The following TMCO5A variants were observed in gnomAD, a reference collection of about 807,000 sequenced individuals.
The protein encoded by TMCO5A is transmembrane and coiled-coil domains 5A.
TMCO5A carries 34 observed loss-of-function variants against 42.3 expected under a neutral mutation model. The ratio of observed to expected loss-of-function variants is 0.80; its 90% CI spans 0.61 to 1.07. TMCO5A has a LOEUF of 1.07. Among genes scored for constraint, TMCO5A ranks in the 50% least tolerant of loss-of-function variants. The pLI, the probability that TMCO5A is intolerant of heterozygous loss-of-function variation, is 0.00. For synonymous variants in TMCO5A, 131 were observed against 115.6 expected (o/e 1.13, Z -0.86); for missense variants, 357 against 327.9 (o/e 1.09, Z -0.69).
chr15:37,992,451 A>G, the TMCO5A span, among the ~76,000 whole-genome samples: 2 of 152,158 alleles, frequency 1.3e-5, no homozygotes, highest in Non-Finnish European at 2.9e-5. Context: ...TTCCTCAAAG[A>G]ACTAAAAACA....
At chr15:37,986,748 G>A in the TMCO5A span, among the ~76,000 whole-genome samples, 2 of 151,702 alleles carry the variant, frequency 1.3e-5, no homozygotes, top group Admixed American at 6.6e-5. Flanking sequence ...ATGTCTTCAA[G>A]TTTCATCCAT....
Position 37,951,018 on chromosome 15 carries a change from A to G in TMCO5A, c.669-18A>G, listed in dbSNP as rs762580765. The G allele has an allele frequency of 2.2e-5, 36 of 1,608,330 alleles. No homozygotes were observed. The highest frequency in any genetic ancestry group is 3.0e-5 in the Non-Finnish European group (35 of 1,177,924). On this transcript the variant is annotated intron_variant, in intron 11 of 11. Transcript: ENST00000319669. ...TTCTAAGCTTCTGGTTAACAGTTTC[A>G]TGGCATTCTCTTTTTAGGATTTTTT...
At chr15:37,967,873 A>G (rs926126527), downstream of TMCO5A, 14 of 152,192 alleles carry the variant, frequency 9.2e-5, no homozygotes, top group African/African-American at 2.4e-4. Context: ...TCCTTGGTCC[A>G]CTGCCATTGC....
At chr15:37,985,531 T>TA in the TMCO5A span, among the ~76,000 whole-genome samples, 1 of 152,212 alleles carries the variant, frequency 6.6e-6, no homozygotes, top group Non-Finnish European at 1.5e-5. Flanking sequence ...ATGTTGTACT[T>TA]AACTATGCTA....
At chr15:38,013,245 G>C in the TMCO5A span, among the ~76,000 whole-genome samples, 1 of 152,136 alleles carries the variant, frequency 6.6e-6, no homozygotes. Context: ...CCTGTGGCTA[G>C]TACCACTTAA....
At chr15:37,977,396 G>A in the TMCO5A span, among the ~76,000 whole-genome samples, 2 of 152,260 alleles carry the variant, frequency 1.3e-5, no homozygotes, top group South Asian at 4.1e-4. Flanking sequence ...TTCATTTCTG[G>A]ATGTTTTCAG....
intron 10 of TMCO5A, among the ~76,000 whole-genome samples, chr15:37,945,494 A>G (rs1471684063): frequency 1.3e-5 from 2 of 152,180 alleles, no homozygotes; most frequent in African/African-American, 2.4e-5. Flanking sequence ...TCCCAGCAAC[A>G]GTGTAAAAGC....
chr15:38,029,951 A>G, the TMCO5A span, among the ~76,000 whole-genome samples: 1 of 151,794 alleles, frequency 6.6e-6, no homozygotes, highest in Non-Finnish European at 1.5e-5. Flanking sequence ...CTGATAATAC[A>G]CTCTTCCTTT....
At position 37,966,608 on chromosome 15, in the gene TMCO5A, T is replaced by TCAAGA. The variant is rs1322817568; in HGVS notation, c.669-17_669-16insCAAGA. 1.0e-5 allele frequency: 7 copies of TCAAGA among 702,800 alleles called. No homozygotes were observed. In the Middle Eastern group the frequency reaches 6.8e-4, roughly 69 times the overall value. The allele number at this position is 702,800 out of a possible 1,614,324, so 43.5% of individuals were successfully genotyped here. A position where few individuals can be genotyped will look rare whatever the true frequency, so the allele number is the denominator to read the frequency against. ...AACAATGTCTTGGGACATCATTTCT[T>TCAAGA]TTTCTTCTCTCTTCAGATGGGCCTC... On this transcript the variant is annotated splice_polypyrimidine_tract_variant and intron_variant, in intron 11 of 11. Coordinates refer to the TMCO5A transcript ENST00000559502.
chr15:37,987,144 T>C, the TMCO5A span, among the ~76,000 whole-genome samples: 1 of 152,056 alleles, frequency 6.6e-6, no homozygotes, highest in African/African-American at 2.4e-5. Flanking sequence ...ATTTTCACTT[T>C]TCTAATAATT....
At chr15:37,938,111 G>T in intron 5 of TMCO5A, 47 bp from the exon 6 acceptor site, 2 of 1,484,080 alleles carry the variant, frequency 1.3e-6, no homozygotes, top group Non-Finnish European at 1.8e-6. Context: ...GAAAGTCTTT[G>T]CCTTCTACAC....
the TMCO5A span, among the ~76,000 whole-genome samples, chr15:38,015,217 G>A: frequency 6.6e-6 from 1 of 151,930 alleles, no homozygotes; most frequent in Admixed American, 6.6e-5. Flanking sequence ...ACACACCCAG[G>A]ATCAATGCTT....
the TMCO5A span, among the ~76,000 whole-genome samples, chr15:37,982,180 T>G: frequency 6.6e-6 from 1 of 152,178 alleles, no homozygotes; most frequent in African/African-American, 2.4e-5. Context: ...AACAGATAGA[T>G]GTGGATGATA....
At chr15:37,998,389 T>C in the TMCO5A span, among the ~76,000 whole-genome samples, 1 of 152,196 alleles carries the variant, frequency 6.6e-6, no homozygotes, top group Non-Finnish European at 1.5e-5. Context: ...TAGCAAGAGA[T>C]AGGGATCTAG....
At chr15:37,952,892 G>A (rs1890194151), downstream of TMCO5A, among the ~76,000 whole-genome samples, 3 of 152,314 alleles carry the variant, frequency 2.0e-5, no homozygotes, top group South Asian at 4.1e-4. Flanking sequence ...GAGCCTTGGG[G>A]CCTTCTTTAA....
At chr15:37,942,449 C>T in intron 9 of TMCO5A, 194 bp downstream of exon 9, 1 of 556,220 alleles carries the variant, frequency 1.8e-6, no homozygotes, top group Admixed American at 2.7e-5. Flanking sequence ...TTCTCCCATC[C>T]TTCTAAAAAG....
chr15:37,947,913 A>G (rs1012277783), intron 11 of TMCO5A, among the ~76,000 whole-genome samples: 3 of 152,154 alleles, frequency 2.0e-5, no homozygotes, highest in African/African-American at 7.2e-5. Context: ...TCAACTTTCC[A>G]TTATTAAAAA....
chr15:38,013,105 G>A, the TMCO5A span, among the ~76,000 whole-genome samples: 2 of 152,164 alleles, frequency 1.3e-5, no homozygotes, highest in Non-Finnish European at 2.9e-5. Flanking sequence ...TGAAACTCCC[G>A]AGGAAGCTGT....
At chr15:37,941,086 C>T in intron 6 of TMCO5A, 63 bp from the exon 7 acceptor site, 3 of 1,529,892 alleles carry the variant, frequency 2.0e-6, no homozygotes, top group Admixed American at 1.7e-5. Flanking sequence ...ACCTTGGTGA[C>T]AGCATTCCAT....
Sources: gnomAD v4.1 joint callset for allele counts (sites outside exome capture counted in the v4.1 genomes callset) on GRCh38, gnomAD v4.1.1 for gene constraint, MANE v1.5 for transcripts, NCBI Gene and HGNC (gene_info 2026-07-23, HGNC 2026-07-21) for gene names.